Variants in CATSPERE observed in about 807,000 individuals in gnomAD.
CATSPERE encodes the protein cation channel sperm-associated auxiliary subunit epsilon.
In CATSPERE, 93 loss-of-function variants were observed where a neutral mutation model predicts 114.1. The observed-to-expected ratio is 0.81, with a 90% CI of 0.69 to 0.97. The LOEUF is 0.97. CATSPERE is among the 50% of genes least tolerant of loss of function. CATSPERE has a pLI of 0.00. For synonymous variants in CATSPERE, 341 were observed against 384.1 expected, an observed-to-expected ratio of 0.89 and a Z score of 1.31; for missense variants, 1,058 against 1,131.6, an observed-to-expected ratio of 0.93 and a Z score of 0.93.
At chr1:244,610,217 A>G in intron 18 of CATSPERE, 23 bp from the exon 19 acceptor site, 2 of 1,527,954 alleles carry the variant, frequency 1.3e-6, no homozygotes, top group Non-Finnish European at 1.8e-6. Flanking sequence ...ACCTACCCAC[A>G]TACATGTGCC....
intron 9 of CATSPERE, among the ~76,000 whole-genome samples, chr1:244,557,754 A>AT (rs1661879460): frequency 6.6e-6 from 1 of 150,570 alleles, no homozygotes; most frequent in African/African-American, 2.4e-5. Flanking sequence ...TTCTCTTCAG[A>AT]TGTTTCTTCA....
At chr1:244,499,199 C>T (rs1023982933) in intron 7 of CATSPERE, 120 bp downstream of exon 7, 12 of 598,984 alleles carry the variant, frequency 2.0e-5, no homozygotes, top group Admixed American at 2.9e-5. Context: ...TAACTAAATA[C>T]ATTTGCATGA....
chr1:244,562,251 A>C (rs1161306851), intron 10 of CATSPERE, among the ~76,000 whole-genome samples: 4 of 152,144 alleles, frequency 2.6e-5, no homozygotes, highest in Admixed American at 6.6e-5. Flanking sequence ...CAATACATAT[A>C]ATAGATATAA....
chr1:244,625,370 TATTTTTTAC>T (rs1397745486), intron 20 of CATSPERE, among the ~76,000 whole-genome samples: 1 of 134,536 alleles, frequency 7.4e-6, no homozygotes, highest in Non-Finnish European at 1.6e-5. Flanking sequence ...TTTATTTATT[TATTTTTTAC>T]TTTATTTTTA....
At chr1:244,632,852 C>T (rs2819001) in intron 20 of CATSPERE, among the ~76,000 whole-genome samples, 134,575 of 152,206 alleles carry the variant, frequency 0.88, 59,593 homozygotes, top group East Asian at 0.92. Flanking sequence ...GAGATTGTCA[C>T]ATTGGATAAA....
At chr1:244,553,628 C>CACACATATATACAT (rs1558485069) in intron 9 of CATSPERE, among the ~76,000 whole-genome samples, 4 of 147,310 alleles carry the variant, frequency 2.7e-5, no homozygotes, top group Non-Finnish European at 6.0e-5. Context: ...CACACACACA[C>CACACATATATACAT]ACACACACAC....
chr1:244,516,714 G>A (rs1558410609), intron 7 of CATSPERE, among the ~76,000 whole-genome samples: 3 of 152,070 alleles, frequency 2.0e-5, no homozygotes, highest in Non-Finnish European at 4.4e-5. Flanking sequence ...TAGAGACAGA[G>A]TTTCACCATG....
At chr1:244,508,507 T>C (rs183959460) in intron 7 of CATSPERE, among the ~76,000 whole-genome samples, 4 of 151,926 alleles carry the variant, frequency 2.6e-5, no homozygotes, top group South Asian at 4.2e-4. Flanking sequence ...TTCACCGTGT[T>C]AGCCAGGATG....
rs370922265 is a variant in CATSPERE at position 244,611,601 on chromosome 1, GA to G, written c.2490+1284del. Among the ~76,000 whole-genome samples, 460 of 147,624 alleles carry G rather than the reference GA, an allele frequency of 3.1e-3. 1 individual carries two copies. Among genetic ancestry groups the G allele is most frequent in the African/African-American group, 0.011 (444 of 40,152 alleles). On this transcript the variant is annotated intron_variant, in intron 19 of 21. Transcript: ENST00000366534. The stretch of plus-strand genomic sequence containing the variant: ...CACAGTGAGACCTTGTCTCAAAAAA[GA>G]AAAAAAAATCAAATTAAAAAATAAA...
intron 17 of CATSPERE, among the ~76,000 whole-genome samples, chr1:244,595,201 A>G (rs1272779212): frequency 6.6e-6 from 1 of 152,210 alleles, no homozygotes; most frequent in Non-Finnish European, 1.5e-5. Context: ...TTCTACCCTC[A>G]GAAGCAGAAG....
At chr1:244,469,969 C>T (rs994958214) in intron 2 of CATSPERE, among the ~76,000 whole-genome samples, 4 of 151,902 alleles carry the variant, frequency 2.6e-5, no homozygotes, top group Admixed American at 6.6e-5. Context: ...GGAAAAAGAA[C>T]GGTACTGAAA....
intron 20 of CATSPERE, among the ~76,000 whole-genome samples, chr1:244,618,444 A>G (rs1416102549): frequency 2.6e-5 from 4 of 152,196 alleles, no homozygotes; most frequent in Non-Finnish European, 5.9e-5. Flanking sequence ...ATGAAAGCAT[A>G]GTTCTAGGGA....
intron 20 of CATSPERE, among the ~76,000 whole-genome samples, chr1:244,618,895 G>GA (rs1391194857): frequency 2.0e-5 from 3 of 152,072 alleles, no homozygotes; most frequent in Admixed American, 6.6e-5. Context: ...GGAAAGAAGG[G>GA]AAAAAAGAGT....
At chr1:244,540,444 C>G (rs1220733022) in intron 8 of CATSPERE, among the ~76,000 whole-genome samples, 1 of 131,128 alleles carries the variant, frequency 7.6e-6, no homozygotes, top group Non-Finnish European at 1.6e-5. Context: ...ATCCAACTTA[C>G]AAGGGACGTG....
At chr1:244,623,400 T>G (rs1672660550) in intron 20 of CATSPERE, among the ~76,000 whole-genome samples, 1 of 152,132 alleles carries the variant, frequency 6.6e-6, no homozygotes, top group Non-Finnish European at 1.5e-5. Flanking sequence ...TAAAGTGAGT[T>G]CCTTGGCTAG....
At chr1:244,545,944 AAAG>A (rs1421978373) in intron 8 of CATSPERE, among the ~76,000 whole-genome samples, 3 of 152,240 alleles carry the variant, frequency 2.0e-5, no homozygotes. Flanking sequence ...TAACAGAGGA[AAAG>A]AAGATTTGGG....
At chr1:244,583,526 T>G (rs6429483) in intron 12 of CATSPERE, among the ~76,000 whole-genome samples, 2 of 152,340 alleles carry the variant, frequency 1.3e-5, no homozygotes, top group East Asian at 3.9e-4. Flanking sequence ...TCGAGATGTC[T>G]GCAGCAGAGC....
At chr1:244,502,541 TAGC>T (rs1674215831) in intron 7 of CATSPERE, among the ~76,000 whole-genome samples, 4 of 152,310 alleles carry the variant, frequency 2.6e-5, no homozygotes, top group Admixed American at 2.6e-4. Context: ...AGTTGCCAGT[TAGC>T]AGTTTTTCTG....
upstream of CATSPERE, among the ~76,000 whole-genome samples, chr1:244,460,772 G>A (rs1424898251): frequency 6.6e-6 from 1 of 152,206 alleles, no homozygotes; most frequent in Non-Finnish European, 1.5e-5. Context: ...AAATTAGCAG[G>A]GCCTTGTGGC....
Sources: gnomAD v4.1 joint callset for allele counts (sites outside exome capture counted in the v4.1 genomes callset) on GRCh38, gnomAD v4.1.1 for gene constraint, MANE v1.5 for transcripts, NCBI Gene and HGNC (gene_info 2026-07-23, HGNC 2026-07-21) for gene names.